LRMDA: variants seen among roughly 807,000 people sequenced by gnomAD.
LRMDA encodes the protein leucine-rich melanocyte differentiation-associated protein.
LRMDA carries 18 observed loss-of-function variants against 29.8 expected under a neutral mutation model. The observed-to-expected ratio is 0.60, with a 90% CI of 0.42 to 0.90. LRMDA has a LOEUF of 0.90. LRMDA is among the 40% of genes least tolerant of loss of function. LRMDA has a pLI of 0.00. For missense variants in LRMDA, 273 were observed against 273.9 expected, an observed-to-expected ratio of 1.00 and a Z score of 0.02; for synonymous variants, 125 against 109.4, an observed-to-expected ratio of 1.14 and a Z score of -0.89.
intron 2 of LRMDA, among the ~76,000 whole-genome samples, chr10:75,983,089 T>G (rs867862552): frequency 6.6e-6 from 1 of 152,160 alleles, no homozygotes; most frequent in East Asian, 1.9e-4. Flanking sequence ...TTGCCTCCTT[T>G]GCAAGTCAAC....
intron 6 of LRMDA, among the ~76,000 whole-genome samples, chr10:76,453,916 A>G (rs1842431558): frequency 6.6e-6 from 1 of 152,228 alleles, no homozygotes; most frequent in African/African-American, 2.4e-5. Flanking sequence ...TGTTTGTATG[A>G]GACATTACAT....
chr10:76,024,426 C>A (rs1848027533), intron 2 of LRMDA, among the ~76,000 whole-genome samples: 1 of 152,178 alleles, frequency 6.6e-6, no homozygotes, highest in East Asian at 1.9e-4. Context: ...GTTTTGTGAA[C>A]CATAGAGCTA....
At chr10:76,276,063 C>A (rs565369629) in intron 5 of LRMDA, among the ~76,000 whole-genome samples, 7 of 148,926 alleles carry the variant, frequency 4.7e-5, no homozygotes, top group Non-Finnish European at 9.0e-5. Flanking sequence ...CTCTTTCTTT[C>A]TCTCTTTCTT....
chr10:75,745,440 C>T (rs2132213870), intron 2 of LRMDA, among the ~76,000 whole-genome samples: 1 of 152,298 alleles, frequency 6.6e-6, no homozygotes, highest in South Asian at 2.1e-4. Flanking sequence ...TTCTACATTA[C>T]AGCAACTTTG....
intron 3 of LRMDA, among the ~76,000 whole-genome samples, chr10:76,040,624 C>A (rs1371471651): frequency 6.6e-6 from 1 of 152,190 alleles, no homozygotes. Context: ...CCATCCCCAA[C>A]TCTTCCACCA....
chr10:76,260,633 T>A (rs1839926065), intron 5 of LRMDA, among the ~76,000 whole-genome samples: 1 of 152,194 alleles, frequency 6.6e-6, no homozygotes, highest in African/African-American at 2.4e-5. Flanking sequence ...TGACTTTGAC[T>A]TTTGACAATT....
chr10:76,353,319 G>A (rs1841200314), intron 6 of LRMDA, among the ~76,000 whole-genome samples: 1 of 144,858 alleles, frequency 6.9e-6, no homozygotes, highest in Non-Finnish European at 1.5e-5. Flanking sequence ...GCAATTCTCT[G>A]AGCTGTGGAG....
intron 3 of LRMDA, among the ~76,000 whole-genome samples, chr10:76,045,940 T>A (rs1433426295): frequency 6.6e-6 from 1 of 152,224 alleles, no homozygotes; most frequent in Non-Finnish European, 1.5e-5. Context: ...CAAGGTTAGA[T>A]AACATCCTCA....
chr10:76,522,513 T>C (rs1051006693), intron 6 of LRMDA, among the ~76,000 whole-genome samples: 1 of 152,220 alleles, frequency 6.6e-6, no homozygotes, highest in Non-Finnish European at 1.5e-5. Context: ...TCTGCAAATA[T>C]GTATTGAGCT....
chr10:75,870,897 C>A (rs901538543), intron 2 of LRMDA, among the ~76,000 whole-genome samples: 1 of 152,040 alleles, frequency 6.6e-6, no homozygotes, highest in Admixed American at 6.5e-5. Context: ...CTGCTCTTCT[C>A]GTGTTCACTT....
chr10:76,532,922 A>G (rs1373549687), intron 6 of LRMDA, among the ~76,000 whole-genome samples: 1 of 152,196 alleles, frequency 6.6e-6, no homozygotes, highest in Non-Finnish European at 1.5e-5. Context: ...TGAATATGAC[A>G]TGCCTCTTAC....
intron 2 of LRMDA, among the ~76,000 whole-genome samples, chr10:75,971,079 C>T: frequency 6.6e-6 from 1 of 152,090 alleles, no homozygotes; most frequent in Non-Finnish European, 1.5e-5. Context: ...AATCCTGGTC[C>T]AATACTATTC....
intron 2 of LRMDA, among the ~76,000 whole-genome samples, chr10:75,670,386 A>AT (rs11417572): frequency 0.2 from 30,106 of 152,070 alleles, 7,389 homozygotes; most frequent in African/African-American, 0.57. Context: ...TAACCAGAGC[A>AT]TTTTTTTTAA....
At chr10:75,514,250 C>G (rs1380533138) in intron 2 of LRMDA, among the ~76,000 whole-genome samples, 1 of 150,320 alleles carries the variant, frequency 6.7e-6, no homozygotes. Context: ...CTTCCTCTTC[C>G]TTTCTTCTCC....
chr10:76,035,764 C>T (rs1245154687), intron 2 of LRMDA, among the ~76,000 whole-genome samples: 1 of 152,178 alleles, frequency 6.6e-6, no homozygotes, highest in Non-Finnish European at 1.5e-5. Context: ...TGGCTACTCA[C>T]TAAGTGACCC....
chr10:76,229,889 C>T (rs1852028143), intron 5 of LRMDA, among the ~76,000 whole-genome samples: 1 of 152,094 alleles, frequency 6.6e-6, no homozygotes, highest in African/African-American at 2.4e-5. Context: ...CCCCTTAGTT[C>T]ACTTTCTTAA....
chr10:75,770,266 G>C (rs538616547), intron 2 of LRMDA, among the ~76,000 whole-genome samples: 1 of 152,152 alleles, frequency 6.6e-6, no homozygotes, highest in African/African-American at 2.4e-5. Flanking sequence ...ACTCCAGCCT[G>C]GGTGTCTGAG....
chr10:75,595,628 T>A (rs1564518327), intron 2 of LRMDA, among the ~76,000 whole-genome samples: 1 of 149,954 alleles, frequency 6.7e-6, no homozygotes, highest in Non-Finnish European at 1.5e-5. Flanking sequence ...GAGTGATAAG[T>A]GGTGTTATCA....
intron 5 of LRMDA, among the ~76,000 whole-genome samples, chr10:76,157,022 A>G (rs1307778261): frequency 1.3e-5 from 2 of 152,208 alleles, no homozygotes; most frequent in Admixed American, 6.5e-5. Flanking sequence ...TTGAATGGAA[A>G]TAACCAAGAG....
Sources: gnomAD v4.1 joint callset for allele counts (sites outside exome capture counted in the v4.1 genomes callset) on GRCh38, gnomAD v4.1.1 for gene constraint, MANE v1.5 for transcripts, NCBI Gene and HGNC (gene_info 2026-07-23, HGNC 2026-07-21) for gene names.